The following UVRAG variants were observed in gnomAD, a reference collection of about 807,000 sequenced individuals.
UVRAG encodes UV radiation resistance-associated gene protein.
Under a neutral mutation model 78.0 loss-of-function variants are expected in UVRAG, and 19 were observed. The ratio of observed to expected loss-of-function variants is 0.24; its 90% CI spans 0.17 to 0.36. UVRAG has a LOEUF of 0.36. Among genes scored for constraint, UVRAG ranks in the 10% least tolerant of loss-of-function variants. The probability of loss-of-function intolerance (pLI) is 1.00; values close to 1 mark genes in which losing one functional copy is unlikely to be tolerated. For missense variants in UVRAG, 740 were observed against 853.8 expected, an observed-to-expected ratio of 0.87 and a Z score of 1.66; for synonymous variants, 323 against 324.6, an observed-to-expected ratio of 1.00 and a Z score of 0.05.
intron 5 of UVRAG, among the ~76,000 whole-genome samples, chr11:75,893,203 T>G (rs759622296): frequency 6.6e-6 from 1 of 151,064 alleles, no homozygotes; most frequent in African/African-American, 2.4e-5. Flanking sequence ...AAAGAAGAAT[T>G]ATTCCTTCCT....
intron 2 of UVRAG, among the ~76,000 whole-genome samples, chr11:75,859,237 G>A (rs1164760164): frequency 2.0e-5 from 3 of 152,052 alleles, no homozygotes. Flanking sequence ...TAGCCGGGCG[G>A]TGGTGGTGTG....
At chr11:76,116,100 C>G (rs1952175824) in intron 14 of UVRAG, 85 bp downstream of exon 14, 5 of 1,285,814 alleles carry the variant, frequency 3.9e-6, no homozygotes, top group Admixed American at 2.0e-5. Flanking sequence ...TTGCTCCACA[C>G]CTGCCTCTGA....
Position 75,935,496 on chromosome 11 carries a change from A to T in UVRAG, c.593+23457A>T, listed in dbSNP as rs567620799. The stretch of plus-strand genomic sequence containing the variant: ...CTTTCTCTCTCTCTCTCTCTCTGCT[A>T]TATCAGTGGATTGACCATTATTTCC... On this transcript the variant is annotated intron_variant, in intron 6 of 14. Coordinates refer to ENST00000356136, the MANE Select transcript of UVRAG (RefSeq NM_003369.4). 3.9e-5 allele frequency among the ~76,000 whole-genome samples: 6 copies of T among 152,110 alleles called. No homozygotes were observed. The South Asian group carries it at 1.2e-3, about 32-fold the overall frequency.
At chr11:75,970,625 T>C (rs1183691253) in intron 7 of UVRAG, among the ~76,000 whole-genome samples, 1 of 151,190 alleles carries the variant, frequency 6.6e-6, no homozygotes, top group African/African-American at 2.4e-5. Context: ...CCCAGTTACT[T>C]GTGAGGCTGA....
chr11:75,865,538 T>G lies in UVRAG; in HGVS notation c.270+3758T>G, dbSNP rs548627294. On this transcript the variant is annotated intron_variant, in intron 3 of 14. Coordinates refer to ENST00000356136, the MANE Select transcript of UVRAG (RefSeq NM_003369.4). ...GCAGAACTGAATTTTAAATTTTGTT[T>G]AATTTTAATTTAAATAGCCACATGA... Among the ~76,000 whole-genome samples the G allele has an allele frequency of 2.0e-5, 3 of 152,256 alleles. No homozygotes were observed. The East Asian group carries it at 5.8e-4, about 29-fold the overall frequency.
At chr11:75,989,540 T>C (rs1322051157) in intron 8 of UVRAG, among the ~76,000 whole-genome samples, 1 of 152,356 alleles carries the variant, frequency 6.6e-6, no homozygotes, top group African/African-American at 2.4e-5. Context: ...ACTTTCTAGT[T>C]GTTTACAGTG....
At chr11:76,079,019 TC>T (rs1461378619) in intron 13 of UVRAG, among the ~76,000 whole-genome samples, 1 of 152,172 alleles carries the variant, frequency 6.6e-6, no homozygotes, top group African/African-American at 2.4e-5. Context: ...GTCTCAGACT[TC>T]TCATCTAAAG....
intron 12 of UVRAG, among the ~76,000 whole-genome samples, chr11:76,023,859 A>G (rs1435212387): frequency 6.6e-6 from 1 of 152,028 alleles, no homozygotes; most frequent in Non-Finnish European, 1.5e-5. Flanking sequence ...TTCTTTTTAG[A>G]TGTTTCCCTG....
At chr11:75,967,434 A>T (rs1164623493) in intron 7 of UVRAG, among the ~76,000 whole-genome samples, 1 of 152,180 alleles carries the variant, frequency 6.6e-6, no homozygotes, top group Non-Finnish European at 1.5e-5. Flanking sequence ...CCTGTAAATG[A>T]CATTTAAAAG....
At chr11:75,833,855 C>T (rs900394390) in intron 1 of UVRAG, among the ~76,000 whole-genome samples, 4 of 152,222 alleles carry the variant, frequency 2.6e-5, no homozygotes, top group Admixed American at 6.5e-5. Context: ...GGTTTAAGAA[C>T]GTCTTTAAGT....
At position 76,141,140 on chromosome 11, in the gene UVRAG, C is replaced by G. The variant is rs777861224; in HGVS notation, c.1827C>G (p.Ala609=). The G allele has an allele frequency of 1.2e-6, 2 of 1,614,188 alleles. No homozygotes were observed. The highest frequency in any genetic ancestry group is 2.7e-5 in the African/African-American group (2 of 75,052). The part of the protein sequence containing the change: ...TLLPSEQAGS[A]SVQLPGEFHP... ...TACCCAGCGAGCAGGCCGGGTCCGCCAGTGTCCAGCTTCCAGGCGAGTTCC... is the reference window on the plus strand; with the variant it reads ...TACCCAGCGAGCAGGCCGGGTCCGCGAGTGTCCAGCTTCCAGGCGAGTTCC... Residue 609 remains alanine, a synonymous_variant, in exon 15 of 15, where the codon GCC becomes GCG. Coordinates refer to ENST00000356136, the MANE Select transcript of UVRAG (RefSeq NM_003369.4).
chr11:75,886,581 AG>A (rs572631440), intron 4 of UVRAG, among the ~76,000 whole-genome samples: 18 of 152,300 alleles, frequency 1.2e-4, no homozygotes, highest in South Asian at 1.0e-3. Context: ...ATTGATTTAT[AG>A]TTTTTATTTT....
chr11:75,974,167 C>T (rs1193499355), intron 7 of UVRAG, among the ~76,000 whole-genome samples: 1 of 152,154 alleles, frequency 6.6e-6, no homozygotes, highest in Non-Finnish European at 1.5e-5. Flanking sequence ...TACAGTCCCA[C>T]CAACAGTGTA....
At chr11:75,884,104 G>T (rs996466042) in intron 4 of UVRAG, among the ~76,000 whole-genome samples, 1 of 152,080 alleles carries the variant, frequency 6.6e-6, no homozygotes. Context: ...ACTTGTGATT[G>T]CCAGTCTTTT....
intron 7 of UVRAG, among the ~76,000 whole-genome samples, chr11:75,978,559 G>A (rs1949308684): frequency 6.6e-6 from 1 of 152,162 alleles, no homozygotes; most frequent in South Asian, 2.1e-4. Flanking sequence ...TGGAGGCTTT[G>A]TTCATTTCTT....
chr11:76,079,782 G>A (rs1337595415), intron 13 of UVRAG, among the ~76,000 whole-genome samples: 2 of 152,156 alleles, frequency 1.3e-5, no homozygotes, highest in African/African-American at 4.8e-5. Context: ...GGGAACTCTA[G>A]CATAAGGAAA....
intron 13 of UVRAG, among the ~76,000 whole-genome samples, chr11:76,081,330 C>A (rs1225555959): frequency 6.6e-6 from 1 of 152,010 alleles, no homozygotes; most frequent in African/African-American, 2.4e-5. Context: ...CTCAGCCTCC[C>A]GAGTAGCTGA....
chr11:76,042,077 C>T (rs1950656595), intron 12 of UVRAG, among the ~76,000 whole-genome samples: 1 of 152,080 alleles, frequency 6.6e-6, no homozygotes, highest in African/African-American at 2.4e-5. Flanking sequence ...CCTAGAGAAA[C>T]TTGCTCAAAG....
intron 1 of UVRAG, among the ~76,000 whole-genome samples, chr11:75,819,691 G>A (rs936145873): frequency 1.7e-4 from 26 of 151,742 alleles, no homozygotes; most frequent in African/African-American, 5.8e-4. Flanking sequence ...ATTTTTGGCC[G>A]AGCACGGTGG....
Sources: gnomAD v4.1 joint callset for allele counts (sites outside exome capture counted in the v4.1 genomes callset) on GRCh38, gnomAD v4.1.1 for gene constraint, MANE v1.5 for transcripts, NCBI Gene and HGNC (gene_info 2026-07-23, HGNC 2026-07-21) for gene names.